The following BCR variants were observed in gnomAD, a reference collection of about 807,000 sequenced individuals.
The protein encoded by BCR is breakpoint cluster region protein.
In BCR, 58 loss-of-function variants were observed where a neutral mutation model predicts 138.6. That is an observed-to-expected ratio of 0.42 (90% confidence interval 0.34 to 0.52). The LOEUF (loss-of-function observed/expected upper bound fraction) is 0.52. Ranked by LOEUF, BCR falls within the 20% of genes least tolerant of loss-of-function variation. BCR has a pLI of 0.06. For missense variants in BCR, 1,599 were observed against 1,727.2 expected (o/e 0.93, Z 1.32); for synonymous variants, 786 against 730.1 (o/e 1.08, Z -1.23).
At chr22:23,263,492 G>C (rs972723372) in intron 4 of BCR, 1 of 1,558,134 alleles carries the variant, frequency 6.4e-7, no homozygotes, top group Admixed American at 1.7e-5. Context: ...CCTGGATGCA[G>C]CTAGAGGATG....
chr22:23,245,583 C>T (rs577189637), intron 1 of BCR, among the ~76,000 whole-genome samples: 6 of 152,074 alleles, frequency 3.9e-5, no homozygotes, highest in African/African-American at 1.4e-4. Flanking sequence ...AGGCACTTGG[C>T]GTGGATGCAA....
intron 8 of BCR, among the ~76,000 whole-genome samples, chr22:23,279,158 G>T (rs1228707640): frequency 6.6e-6 from 1 of 152,178 alleles, no homozygotes; most frequent in Non-Finnish European, 1.5e-5. Context: ...AACATTAGCT[G>T]CTACCAGCCA....
rs780973337 is a variant in BCR, at chr22:23,287,218, G to A, written c.2466G>A (p.Glu822=). ...ERLKKKLSEQ[E]SLLLLMSPSM... ...TGAAGAAGAAGCTGTCGGAGCAGGA[G>A]TCACTGCTGCTGCTTATGTCTCCCA... The change falls in exon 11 of 23, where the codon GAG becomes GAA. Residue 822 remains glutamate, a synonymous_variant. Transcript: ENST00000305877. The A allele has an allele frequency of 3.2e-6, 5 of 1,564,896 alleles. No individual in the cohort carries two copies. In the South Asian group the frequency reaches 5.9e-5, roughly 18 times the overall value.
At chr22:23,188,241 G>C (rs924517535) in intron 1 of BCR, among the ~76,000 whole-genome samples, 37 of 152,218 alleles carry the variant, frequency 2.4e-4, no homozygotes, top group Non-Finnish European at 5.9e-5. Context: ...AATTTTACAA[G>C]CGTTCTCTGG....
chr22:23,242,869 T>C (rs771395518), intron 1 of BCR: 6 of 455,806 alleles, frequency 1.3e-5, no homozygotes, highest in South Asian at 7.7e-5. Context: ...AGGCTGTCTC[T>C]GGAGGCTCTA....
intron 1 of BCR, among the ~76,000 whole-genome samples, chr22:23,239,160 C>G (rs1038836080): frequency 2.0e-5 from 3 of 152,166 alleles, no homozygotes; most frequent in African/African-American, 4.8e-5. Context: ...CAAAGCCCCT[C>G]AGGCCCTGTG....
chr22:23,258,197 C>T (rs1182113316), intron 2 of BCR, among the ~76,000 whole-genome samples: 2 of 152,222 alleles, frequency 1.3e-5, no homozygotes, highest in Non-Finnish European at 2.9e-5. Flanking sequence ...CATGCTGACA[C>T]CTCATGCATA....
chr22:23,263,844 C>T, intron 4 of BCR: 1 of 1,057,876 alleles, frequency 9.5e-7, no homozygotes, highest in Non-Finnish European at 1.5e-6. Flanking sequence ...ATACACCATC[C>T]AGACTGAAGA....
rs1300963870 is a variant in BCR at position 23,180,897 on chromosome 22, G to T, written c.-64G>T. 1.1e-6 allele frequency: 1 copy of T among 903,682 alleles called. No homozygotes were observed. Among genetic ancestry groups the T allele is most frequent in the African/African-American group, 2.0e-5 (1 of 49,830 alleles). The allele number at this position is 903,682 out of a possible 1,614,324, so 56.0% of individuals were successfully genotyped here. A position where few individuals can be genotyped will look rare whatever the true frequency, so the allele number is the denominator to read the frequency against. ...GCGCCCGGGGCCGGGCTGGCGAGGC[G>T]CCGCGCCGCCGCTGAGACGGGCCCC... On this transcript the variant is annotated 5_prime_UTR_variant, in exon 1 of 23. Coordinates refer to ENST00000305877, the MANE Select transcript of BCR (RefSeq NM_004327.4).
At chr22:23,206,503 G>A (rs1347771219) in intron 1 of BCR, among the ~76,000 whole-genome samples, 1 of 151,952 alleles carries the variant, frequency 6.6e-6, no homozygotes, top group East Asian at 1.9e-4. Context: ...CATGAACCCA[G>A]GAGGCGGAGC....
rs147850855 is a variant in BCR at position 23,313,914 on chromosome 22, G to A, written c.3458-54G>A. 2.4e-4 allele frequency: 348 copies of A among 1,445,244 alleles called. 1 individual carries two copies. In the African/African-American group the frequency reaches 4.4e-3, roughly 18 times the overall value. 89.5% of individuals were successfully genotyped at this position (1,445,244 alleles called of 1,614,324 possible). A position where few individuals can be genotyped will look rare whatever the true frequency, so the allele number is the denominator to read the frequency against. ...CCAGGTGCTCCATGTGAACACCTCG[G>A]GAGAGGTCTCTGGCTCGTTGTGACC... On this transcript the variant is annotated intron_variant, in intron 20 of 22. Transcript: ENST00000305877.
chr22:23,302,482 A>G (rs746258514), intron 16 of BCR: 3 of 152,356 alleles, frequency 2.0e-5, no homozygotes, highest in African/African-American at 2.4e-5. Flanking sequence ...GTCGAGGTGC[A>G]TAAGCAGTGT....
At chr22:23,207,850 A>G (rs76727225) in intron 1 of BCR, among the ~76,000 whole-genome samples, 10,336 of 152,182 alleles carry the variant, frequency 0.068, 1,180 homozygotes, top group African/African-American at 0.23. Flanking sequence ...AGACTTCTGC[A>G]TGGAGGATGG....
At chr22:23,250,603 AG>A (rs1036473341) in intron 1 of BCR, among the ~76,000 whole-genome samples, 41 of 152,190 alleles carry the variant, frequency 2.7e-4, no homozygotes, top group African/African-American at 9.9e-4. Flanking sequence ...CCAAGTCTGG[AG>A]GGTCATGGGG....
At chr22:23,207,901 T>C (rs1713539684) in intron 1 of BCR, among the ~76,000 whole-genome samples, 1 of 152,134 alleles carries the variant, frequency 6.6e-6, no homozygotes, top group Non-Finnish European at 1.5e-5. Flanking sequence ...CCCTGCTCAG[T>C]GCCCTACACC....
chr22:23,226,787 T>C (rs1051183988), intron 1 of BCR, among the ~76,000 whole-genome samples: 3 of 152,228 alleles, frequency 2.0e-5, no homozygotes, highest in African/African-American at 7.2e-5. Flanking sequence ...GTTTGACCCC[T>C]GCTTTAGGAT....
At chr22:23,264,954 C>T (rs897041833) in intron 4 of BCR, 9 of 151,822 alleles carry the variant, frequency 5.9e-5, no homozygotes, top group African/African-American at 2.2e-4. Context: ...TTACAATTTT[C>T]ATTTTTGTAA....
chr22:23,247,459 C>T (rs947338956), intron 1 of BCR, among the ~76,000 whole-genome samples: 3 of 152,262 alleles, frequency 2.0e-5, no homozygotes, highest in East Asian at 1.9e-4. Flanking sequence ...ACATGTTGAT[C>T]GGAGGGCCCT....
At position 23,273,063 on chromosome 22, in the gene BCR, TC is replaced by T; in HGVS notation, c.1922-14del. On this transcript the variant is annotated splice_polypyrimidine_tract_variant and intron_variant, in intron 6 of 22. Coordinates refer to ENST00000305877, the MANE Select transcript of BCR (RefSeq NM_004327.4). ...TTCTCCATGTGCAACCTCTCTCACC[TC>T]CCCTCTCTCTCCACAGCTCTGCTCT... 6.2e-7 allele frequency: 1 copy of T among 1,610,830 alleles called. No individual in the cohort carries two copies.
Sources: gnomAD v4.1 joint callset for allele counts (sites outside exome capture counted in the v4.1 genomes callset) on GRCh38, gnomAD v4.1.1 for gene constraint, MANE v1.5 for transcripts, NCBI Gene and HGNC (gene_info 2026-07-23, HGNC 2026-07-21) for gene names.